CIMAP1A: variants seen among roughly 807,000 people sequenced by gnomAD.
CIMAP1A encodes the protein ciliary microtubule associated protein 1A, also known as cancer/testis antigen 135.
At chr11:199,667 T>TGGGGGGGGGG in the CIMAP1A span, 6 of 420,212 alleles carry the variant, frequency 1.4e-5, no homozygotes, top group East Asian at 1.5e-4. Context: ...AGGGGTGGGG[T>TGGGGGGGGGG]GGGGATGGGA....
the CIMAP1A span, chr11:199,662 T>TGGGGGG: frequency 4.4e-6 from 1 of 227,658 alleles, no homozygotes; most frequent in Non-Finnish European, 6.1e-6. Context: ...GGTGGAGGGG[T>TGGGGGG]GGGGTGGGGA....
the CIMAP1A span, chr11:197,278 C>T: frequency 1.3e-6 from 2 of 1,510,304 alleles, no homozygotes; most frequent in Admixed American, 4.0e-5. Flanking sequence ...CACCTGGTAA[C>T]CCTCTCACTT....
the CIMAP1A span, chr11:199,487 C>G: frequency 6.4e-7 from 1 of 1,558,362 alleles, no homozygotes; most frequent in Non-Finnish European, 8.7e-7. Context: ...AAGCCAGGAC[C>G]AGGCGCCCAC....
At chr11:199,046 T>C in the CIMAP1A span, 2 of 1,225,098 alleles carry the variant, frequency 1.6e-6, no homozygotes, top group East Asian at 4.2e-5. Context: ...TCCATGTTGA[T>C]TTTGCCAGCC....
At chr11:199,207 G>T in the CIMAP1A span, 7 of 1,446,454 alleles carry the variant, frequency 4.8e-6, no homozygotes, top group Non-Finnish European at 6.4e-6. Flanking sequence ...CAAGCAGTGG[G>T]GTGTGATCTC....
the CIMAP1A span, chr11:200,109 C>T: frequency 4.6e-6 from 7 of 1,516,588 alleles, no homozygotes; most frequent in Admixed American, 8.7e-5. Flanking sequence ...AGGCTGTCTT[C>T]ACCAGCTGGG....
chr11:198,450 C>T, the CIMAP1A span: 9,085 of 1,613,264 alleles, frequency 5.6e-3, 46 homozygotes, highest in Middle Eastern at 0.015. Flanking sequence ...TGAGGCTCCA[C>T]GTCCACCCTG....
the CIMAP1A span, chr11:198,157 C>G: frequency 6.3e-7 from 1 of 1,597,864 alleles, no homozygotes; most frequent in Non-Finnish European, 8.5e-7. Flanking sequence ...GGGCTGCATA[C>G]CCACCTGCTT....
chr11:199,770 C>T, the CIMAP1A span: 3 of 1,441,500 alleles, frequency 2.1e-6, no homozygotes, highest in African/African-American at 4.3e-5. Context: ...GCCCTTTTCC[C>T]TAGACACTGT....
At chr11:199,970 A>G in the CIMAP1A span, 1 of 1,614,074 alleles carries the variant, frequency 6.2e-7, no homozygotes, top group East Asian at 2.2e-5. Flanking sequence ...CCTGCGCCCC[A>G]GTTGTCACCT....
the CIMAP1A span, chr11:197,234 AG>A: frequency 9.1e-7 from 1 of 1,100,750 alleles, no homozygotes; most frequent in Non-Finnish European, 1.3e-6. Context: ...CGGGGACATC[AG>A]GGGCCGGCAT....
chr11:198,645 G>A, the CIMAP1A span: 1 of 1,554,996 alleles, frequency 6.4e-7, no homozygotes. Context: ...CCCTCCCCCG[G>A]AACCCAGGAC....
At chr11:197,021 G>T in the CIMAP1A span, 1 of 261,700 alleles carries the variant, frequency 3.8e-6, no homozygotes, top group Non-Finnish European at 7.2e-6. Flanking sequence ...AACCGGCCCA[G>T]GGCTCCCTTA....
chr11:198,159 C>T, the CIMAP1A span: 4 of 1,599,622 alleles, frequency 2.5e-6, no homozygotes, highest in Non-Finnish European at 3.4e-6. Flanking sequence ...GCTGCATACC[C>T]ACCTGCTTGT....
the CIMAP1A span, chr11:197,515 A>C: frequency 1.3e-5 from 21 of 1,600,792 alleles, no homozygotes; most frequent in East Asian, 4.5e-4. Context: ...AGCGGGGAGA[A>C]GGGCAGGTCA....
At chr11:199,527 C>T in the CIMAP1A span, 1 of 1,549,742 alleles carries the variant, frequency 6.5e-7, no homozygotes, top group Non-Finnish European at 8.7e-7. Context: ...AAGAGCACAG[C>T]TCAGAGGGGT....
chr11:199,607 C>G, the CIMAP1A span: 2 of 1,187,052 alleles, frequency 1.7e-6, no homozygotes, highest in Non-Finnish European at 2.1e-6. Context: ...GGGACACAGA[C>G]GAGGGGAAAC....
At chr11:197,309 C>CG in the CIMAP1A span, 1 of 1,574,688 alleles carries the variant, frequency 6.4e-7, no homozygotes. Context: ...CTGGCCATGA[C>CG]GGAGGAGGTA....
At chr11:199,465 G>C in the CIMAP1A span, 2 of 1,562,584 alleles carry the variant, frequency 1.3e-6, no homozygotes, top group South Asian at 2.4e-5. Context: ...GCCCCCAGGG[G>C]ACAAGACCCT....
Sources: gnomAD v4.1 joint callset for allele counts on GRCh38, gnomAD v4.1.1 for gene constraint, MANE v1.5 for transcripts, NCBI Gene and HGNC (gene_info 2026-07-23, HGNC 2026-07-21) for gene names.